Variants in ZNF236 observed in about 807,000 individuals in gnomAD.
ZNF236 encodes the protein regulated by glucose.
In ZNF236, 50 loss-of-function variants were observed where a neutral mutation model predicts 191.2. The ratio of observed to expected loss-of-function variants is 0.26; its 90% confidence interval spans 0.21 to 0.33. The LOEUF (loss-of-function observed/expected upper bound fraction) is 0.33. ZNF236 is among the 10% of genes least tolerant of loss of function. The probability of loss-of-function intolerance (pLI) is 1.00; values close to 1 mark genes in which losing one functional copy is unlikely to be tolerated. For missense variants in ZNF236, 1,754 were observed against 2,374.5 expected (o/e 0.74, Z 5.43); for synonymous variants, 907 against 928.8 (o/e 0.98, Z 0.43).
intron 26 of ZNF236, among the ~76,000 whole-genome samples, chr18:76,942,861 G>A (rs1406772984): frequency 6.7e-6 from 1 of 149,446 alleles, no homozygotes. Flanking sequence ...AGTGGCTCAC[G>A]CCTGTAAAAC....
In ZNF236 at chr18:76,969,486, G is replaced by T. The variant is rs1396694417; in HGVS notation, c.*1147G>T. ...TCTGTGTGGCTGAACAGTATATTTT[G>T]TAAATATAAGTACTAGTCCTAATTG... On this transcript the variant is annotated 3_prime_UTR_variant, in exon 31 of 31. Coordinates refer to ENST00000320610, the MANE Select transcript of ZNF236 (RefSeq NM_001306089.2). 1 of 152,462 alleles carries T rather than the reference G, an allele frequency of 6.6e-6. No individual in the cohort carries two copies. The highest frequency in any genetic ancestry group is 1.5e-5 in the Non-Finnish European group (1 of 68,030). 9.4% of individuals were successfully genotyped at this position (152,462 alleles called of 1,614,324 possible). A position where few individuals can be genotyped will look rare whatever the true frequency, so the allele number is the denominator to read the frequency against.
chr18:76,908,608 C>T, intron 14 of ZNF236, 35 bp downstream of exon 14: 1 of 1,569,516 alleles, frequency 6.4e-7, no homozygotes, highest in Non-Finnish European at 8.6e-7. Context: ...TTGAGTGATC[C>T]CAGCAGAGTT....
intron 11 of ZNF236, 110 bp downstream of exon 11, chr18:76,899,332 C>A: frequency 1.1e-6 from 1 of 948,650 alleles, no homozygotes; most frequent in Non-Finnish European, 1.5e-6. Context: ...GTTTTTTAGG[C>A]ATAGTATTAA....
intron 26 of ZNF236, among the ~76,000 whole-genome samples, chr18:76,938,808 C>T (rs1316036569): frequency 2.0e-5 from 3 of 152,178 alleles, no homozygotes; most frequent in Non-Finnish European, 2.9e-5. Flanking sequence ...GCCCTGCCTA[C>T]GTCGTGCCCC....
intron 6 of ZNF236, 70 bp from the exon 7 acceptor site, chr18:76,877,939 G>A: frequency 1.7e-6 from 2 of 1,188,882 alleles, no homozygotes; most frequent in Non-Finnish European, 2.3e-6. Flanking sequence ...ATTATGATTT[G>A]CCATAATTTA....
intron 19 of ZNF236, among the ~76,000 whole-genome samples, chr18:76,917,817 T>C (rs1367887442): frequency 1.3e-5 from 2 of 152,196 alleles, no homozygotes; most frequent in Admixed American, 1.3e-4. Context: ...CTCAAATCAT[T>C]CCAAGCTTTA....
rs1967642745 is a variant in ZNF236 at position 76,925,279 on chromosome 18, A to C, written c.3752A>C (p.Lys1251Thr). The change falls in exon 22 of 31, where the codon AAG becomes ACG. Residue 1251 changes from lysine (K) to threonine (T), a missense_variant. Transcript: ENST00000320610. The surrounding 1 kb of genome is among the most constrained non-coding windows in gnomAD (Gnocchi z 5.7). ...KVHMRLHTGAKPFKCPHCELR... is the reference protein window; with the variant it reads ...KVHMRLHTGATPFKCPHCELR... Reference sequence around the variant, plus strand: ...CACATGCGCCTGCACACGGGAGCCAAGCCCTTCAAATGCCCGCATTGCGAG... The same window carrying C: ...CACATGCGCCTGCACACGGGAGCCACGCCCTTCAAATGCCCGCATTGCGAG... 6.2e-7 allele frequency: 1 copy of C among 1,614,100 alleles called. No individual in the cohort carries two copies. The highest frequency in any genetic ancestry group is 1.3e-5 in the African/African-American group (1 of 74,938).
intron 28 of ZNF236, among the ~76,000 whole-genome samples, chr18:76,956,806 G>C (rs969677741): frequency 4.6e-5 from 7 of 152,188 alleles, no homozygotes; most frequent in Non-Finnish European, 7.3e-5. Flanking sequence ...ATCCAGCCCA[G>C]GGCGCCGTCT....
At chr18:76,962,144 G>T (rs1277689962) in intron 30 of ZNF236, among the ~76,000 whole-genome samples, 1 of 152,146 alleles carries the variant, frequency 6.6e-6, no homozygotes, top group Non-Finnish European at 1.5e-5. Flanking sequence ...CGAAGCCAAT[G>T]TCTAGAAGGG....
chr18:76,875,714 A>G lies in ZNF236; in HGVS notation c.840+50A>G. On this transcript the variant is annotated intron_variant, in intron 6 of 30. Coordinates refer to ENST00000320610, the MANE Select transcript of ZNF236 (RefSeq NM_001306089.2). This position sits in a 1 kb window ranked among gnomAD's most constrained non-coding sequence, Gnocchi z 4.3. ...CGGTATTTCACAGGGGACAGTAGGT[A>G]TCTTTTGGGTTAATAAACGGACCTG... 1.4e-6 allele frequency: 2 copies of G among 1,379,690 alleles called. No individual in the cohort carries two copies. The highest frequency in any genetic ancestry group is 1.9e-6 in the Non-Finnish European group (2 of 1,054,322). The allele number at this position is 1,379,690 out of a possible 1,614,324, so 85.5% of individuals were successfully genotyped here.
At chr18:76,833,939 C>T (rs930856839) in intron 1 of ZNF236, among the ~76,000 whole-genome samples, 1 of 152,120 alleles carries the variant, frequency 6.6e-6, no homozygotes, top group Admixed American at 6.6e-5. Context: ...AGTCCTCTCA[C>T]CTCGGCCTCC....
At chr18:76,909,318 C>CAA (rs34878586) in intron 14 of ZNF236, among the ~76,000 whole-genome samples, 5,074 of 118,784 alleles carry the variant, frequency 0.043, 381 homozygotes, top group African/African-American at 0.14. Flanking sequence ...GACTCTGTCT[C>CAA]AAAAAAAAAA....
Position 76,915,729 on chromosome 18 carries a change from GAGC to G in ZNF236, c.3146_3148del (p.Ser1049del). 1.9e-6 allele frequency: 3 copies of G among 1,614,126 alleles called. No individual in the cohort carries two copies. The highest frequency in any genetic ancestry group is 2.5e-6 in the Non-Finnish European group (3 of 1,180,038). ...TCACCCGGCACATGGCCACACATATGAGCATGAAGCCTTATAAGTGTCCGTTTT... is the reference window on the plus strand; with the variant it reads ...TCACCCGGCACATGGCCACACATATGATGAAGCCTTATAAGTGTCCGTTTT... On this transcript the variant is annotated inframe_deletion, in exon 19 of 31. Transcript: ENST00000320610.
At chr18:76,892,612 G>T (rs980746925) in intron 9 of ZNF236, among the ~76,000 whole-genome samples, 2 of 152,124 alleles carry the variant, frequency 1.3e-5, no homozygotes, top group African/African-American at 4.8e-5. Context: ...TTGTTGCCCA[G>T]GCTGGAGTGC....
chr18:76,879,728 A>G (rs142744138), intron 7 of ZNF236, among the ~76,000 whole-genome samples: 1 of 152,278 alleles, frequency 6.6e-6, no homozygotes, highest in African/African-American at 2.4e-5. Flanking sequence ...ATTTTTTCAC[A>G]AATGTGTTGA....
chr18:76,875,077 T>A lies in ZNF236; in HGVS notation c.668-415T>A, dbSNP rs1262634402. Among the ~76,000 whole-genome samples, 1 of 152,048 alleles carries A rather than the reference T, an allele frequency of 6.6e-6. No individual in the cohort carries two copies. Among genetic ancestry groups the A allele is most frequent in the Non-Finnish European group, 1.5e-5 (1 of 67,978 alleles). ...TCAAGCTGGGGGTGGTTTCAGGAGCTTTGAGTGATAGGGGAGTGCCTTACC... is the reference window on the plus strand; with the variant it reads ...TCAAGCTGGGGGTGGTTTCAGGAGCATTGAGTGATAGGGGAGTGCCTTACC... On this transcript the variant is annotated intron_variant, in intron 5 of 30. Transcript: ENST00000320610. This position sits in a 1 kb window ranked among gnomAD's most constrained non-coding sequence, Gnocchi z 4.3.
chr18:76,943,423 C>T (rs139899947), intron 26 of ZNF236, among the ~76,000 whole-genome samples: 11 of 152,166 alleles, frequency 7.2e-5, no homozygotes, highest in East Asian at 5.8e-4. Flanking sequence ...GAGGTGTAAA[C>T]GTGCATGCAG....
rs376079617 is a variant in ZNF236, at chr18:76,874,847, AG to A, written c.668-641del. ...GTAGAGGGAGCAAGAGAGCAGGGGC[AG>A]GGGAGCTGACAACAGCTGGTGTGCG... On this transcript the variant is annotated intron_variant, in intron 5 of 30. Transcript: ENST00000320610. Among the ~76,000 whole-genome samples the A allele has an allele frequency of 2.8e-3, 423 of 152,300 alleles. 1 individual carries two copies. The highest frequency in any genetic ancestry group is 0.017 in the Middle Eastern group (5 of 294).
At chr18:76,883,924 C>T (rs555226196) in intron 9 of ZNF236, among the ~76,000 whole-genome samples, 2 of 152,270 alleles carry the variant, frequency 1.3e-5, no homozygotes, top group South Asian at 2.1e-4. Context: ...ACCTTCATTA[C>T]GTTCCTAAGT....
Sources: gnomAD v4.1 joint callset for allele counts (sites outside exome capture counted in the v4.1 genomes callset) on GRCh38, gnomAD v4.1.1 for gene constraint, Gnocchi (gnomAD v3.1) non-coding constraint, MANE v1.5 for transcripts, NCBI Gene and HGNC (gene_info 2026-07-23, HGNC 2026-07-21) for gene names.